The following ITIH4 variants were observed in gnomAD, a reference collection of about 807,000 sequenced individuals.
The protein encoded by ITIH4 is inter-alpha-trypsin inhibitor heavy chain 4, also known as inter-alpha-trypsin inhibitor heavy chain H4.
ITIH4 carries 79 observed loss-of-function variants against 111.8 expected under a neutral mutation model. The ratio of observed to expected loss-of-function variants is 0.71; its 90% confidence interval spans 0.59 to 0.85. The LOEUF (loss-of-function observed/expected upper bound fraction) is 0.85, where lower values mean the gene tolerates loss of function less well. Among genes scored for constraint, ITIH4 ranks in the 40% least tolerant of loss-of-function variants. The pLI is 0.00. For synonymous variants in ITIH4, 472 were observed against 468.3 expected (o/e 1.01, Z -0.10); for missense variants, 1,065 against 1,195.8 (o/e 0.89, Z 1.61).
Position 52,819,793 on chromosome 3 carries a change from C to A in ITIH4, c.1913-1G>T. On this transcript the variant is annotated splice_acceptor_variant, in intron 15 of 23. Coordinates refer to ENST00000266041, the MANE Select transcript of ITIH4 (RefSeq NM_002218.5). LOFTEE classifies it high-confidence loss of function. ...CCTCTTCTTGGAGAAAAGGAAGCCT[C>A]TGTGTGGTCAAGTCCTGATCAGATA... 3 of 1,614,124 alleles carry A rather than the reference C, an allele frequency of 1.9e-6. No individual in the cohort carries two copies. Among genetic ancestry groups the A allele is most frequent in the Non-Finnish European group, 2.5e-6 (3 of 1,180,012 alleles).
In ITIH4 at chr3:52,824,374, T is replaced by C. The variant is rs754862787; in HGVS notation, c.1045+23A>G. ...CCAGGAGCCCTGGAAGCCCCCACCC[T>C]GCAGGGCCACAGAGACACTTACCTC... On this transcript the variant is annotated intron_variant, in intron 8 of 23. Coordinates refer to ENST00000266041, the MANE Select transcript of ITIH4 (RefSeq NM_002218.5). This position sits in a 1 kb window ranked among gnomAD's most constrained non-coding sequence, Gnocchi z 4.3. The C allele has an allele frequency of 3.7e-6, 6 of 1,613,222 alleles. No homozygotes were observed. The African/African-American group carries it at 6.7e-5, about 18-fold the overall frequency.
intron 20 of ITIH4, among the ~76,000 whole-genome samples, chr3:52,817,851 C>T (rs1335287444): frequency 1.3e-5 from 2 of 152,258 alleles, no homozygotes; most frequent in African/African-American, 2.4e-5. Flanking sequence ...GCCACCCACA[C>T]CTGCACACAA....
chr3:52,826,763 C>A, intron 4 of ITIH4, 28 bp downstream of exon 4: 2 of 1,613,530 alleles, frequency 1.2e-6, no homozygotes, highest in Non-Finnish European at 1.7e-6. Context: ...ATGCAGGAGG[C>A]CTCCCTGGAA....
chr3:52,829,161 T>A lies in ITIH4; in HGVS notation c.209A>T (p.Gln70Leu). Residue 70 changes from glutamine (Q) to leucine (L), a missense_variant, in exon 2 of 24, where the codon CAG becomes CTG. Gln to Leu is a moderately radical substitution (Grantham distance 113, BLOSUM62 -2). Transcript: ENST00000266041. ...GAAGGCTTTCTTGGGCAGCTCCATC[T>A]GGAAGGTGGCCTCCTGCACAGTATT... Reference protein sequence around the residue: ...RANTVQEATFQMELPKKAFIT... With the variant: ...RANTVQEATFLMELPKKAFIT... 1 of 1,612,064 alleles carries A rather than the reference T, an allele frequency of 6.2e-7. No individual in the cohort carries two copies. Among genetic ancestry groups the A allele is most frequent in the South Asian group, 1.1e-5 (1 of 91,000 alleles).
At chr3:52,820,519 G>T in intron 13 of ITIH4, 112 bp downstream of exon 13, 1 of 1,330,374 alleles carries the variant, frequency 7.5e-7, no homozygotes, top group South Asian at 1.4e-5. Flanking sequence ...CTCCCAGGGG[G>T]AGTCTGTTGG....
chr3:52,818,841 G>C (rs1034881591), intron 17 of ITIH4: 13 of 439,178 alleles, frequency 3.0e-5, no homozygotes, highest in East Asian at 2.7e-4. Flanking sequence ...TCAGCCTCTA[G>C]AGTATAGTGG....
chr3:52,829,786 C>T (rs1205576351), intron 1 of ITIH4: 2 of 158,108 alleles, frequency 1.3e-5, no homozygotes, highest in African/African-American at 2.4e-5. Flanking sequence ...TAGAAGGAAG[C>T]CCTCAGAGCT....
Position 52,814,075 on chromosome 3 carries a change from A to G in ITIH4, c.2627-4T>C. 6.2e-7 allele frequency: 1 copy of G among 1,613,608 alleles called. No homozygotes were observed. The highest frequency in any genetic ancestry group is 8.5e-7 in the Non-Finnish European group (1 of 1,179,802). ...AGCACCTCCTGGTAAAACTGGCCTGAGATACAAAGGGTGGATCAGTAAGGG... is the reference window on the plus strand; with the variant it reads ...AGCACCTCCTGGTAAAACTGGCCTGGGATACAAAGGGTGGATCAGTAAGGG... On this transcript the variant is annotated splice_polypyrimidine_tract_variant and splice_region_variant and intron_variant, in intron 22 of 23. Transcript: ENST00000266041.
intron 17 of ITIH4, chr3:52,818,836 C>A: frequency 2.2e-6 from 1 of 457,070 alleles, no homozygotes; most frequent in Non-Finnish European, 4.0e-6. Context: ...ATGAGTCAGC[C>A]TCTAGAGTAT....
At chr3:52,823,065 C>T (rs1193239917) in intron 11 of ITIH4, among the ~76,000 whole-genome samples, 1 of 152,176 alleles carries the variant, frequency 6.6e-6, no homozygotes, top group Non-Finnish European at 1.5e-5. Context: ...AAGGCCCTGC[C>T]GCAGAGCTTG....
chr3:52,824,890 G>A lies in ITIH4; in HGVS notation c.828C>T (p.Val276=). The change falls in exon 7 of 24, where the codon GTC becomes GTT. Residue 276 remains valine, a synonymous_variant. Transcript: ENST00000266041. The surrounding 1 kb of genome is among the most constrained non-coding windows in gnomAD (Gnocchi z 4.3). ...EGLTTMPKNV[V]FVIDKSGSMS... ...TGGAGCCGCTCTTGTCAATGACAAA[G>A]ACCACATTCTTGGGCATTGTGGTTA... is the stretch of plus-strand genomic sequence containing the variant. The A allele has an allele frequency of 6.2e-7, 1 of 1,614,138 alleles. No homozygotes were observed. The highest frequency in any genetic ancestry group is 8.5e-7 in the Non-Finnish European group (1 of 1,179,990).
intron 17 of ITIH4, 107 bp from the exon 18 acceptor site, chr3:52,818,643 C>T: frequency 1.1e-6 from 1 of 870,990 alleles, no homozygotes; most frequent in Non-Finnish European, 1.9e-6. Context: ...GCCACACATA[C>T]ACTCCACCTA....
rs780416772 is a variant in ITIH4, at chr3:52,823,573, T to C, written c.1522A>G (p.Thr508Ala). 18 of 1,610,010 alleles carry C rather than the reference T, an allele frequency of 1.1e-5. No individual in the cohort carries two copies. In the Admixed American group the frequency reaches 3.0e-4, roughly 27 times the overall value. The change falls in exon 11 of 24, where the codon ACA (threonine) becomes GCA (alanine). Residue 508 changes from threonine (T) to alanine (A), a missense_variant. By Grantham distance (58) the Thr-to-Ala change is moderately conservative. Coordinates refer to ENST00000266041, the MANE Select transcript of ITIH4 (RefSeq NM_002218.5). ...QDRGPDVLTA[T>A]VSGKLPTQNI... ...ACACTCACCAGCTTCCCACTGACTG[T>C]GGCTGTGAGCACATCAGGCCCCCGG...
chr3:52,824,602 G>A lies in ITIH4; in HGVS notation c.877-37C>T. On this transcript the variant is annotated intron_variant, in intron 7 of 23. Coordinates refer to ENST00000266041, the MANE Select transcript of ITIH4 (RefSeq NM_002218.5). The surrounding 1 kb of genome is among the most constrained non-coding windows in gnomAD (Gnocchi z 4.3). ...GAGGAAACATAGGTGCTTCAGAAGG[G>A]CTCCCTGAGGGCTCGTGTGCCCTAG... 1 of 1,585,016 alleles carries A rather than the reference G, an allele frequency of 6.3e-7. No homozygotes were observed. The highest frequency in any genetic ancestry group is 1.7e-5 in the Admixed American group (1 of 58,550).
chr3:52,822,757 G>A (rs942015951), intron 11 of ITIH4, among the ~76,000 whole-genome samples: 4 of 152,172 alleles, frequency 2.6e-5, no homozygotes, highest in Admixed American at 6.5e-5. Context: ...GGCCCCCAAC[G>A]CCCACTCCTA....
chr3:52,823,762 T>A (rs34860124), intron 10 of ITIH4, 21 bp from the exon 11 acceptor site: 167,767 of 1,613,840 alleles, frequency 0.1, 9,803 homozygotes, highest in Non-Finnish European at 0.12. Flanking sequence ...GGGGGTGTCA[T>A]AAAGGCTGGG....
rs747823443 is a variant in ITIH4 at position 52,827,098 on chromosome 3, G to C, written c.351C>G (p.Leu117=). Residue 117 remains leucine (L), a synonymous_variant, in exon 3 of 24, where the codon CTC becomes CTG. Coordinates refer to ENST00000266041, the MANE Select transcript of ITIH4 (RefSeq NM_002218.5). ...AAVAKGKSAG[L]VKATGRNMEQ... ...GCTGCCCCCCACCAGCTCACTTGAC[G>C]AGGCCAGCGCTCTTTCCCTTGGCCA... 3 of 1,613,842 alleles carry C rather than the reference G, an allele frequency of 1.9e-6. No homozygotes were observed. Among genetic ancestry groups the C allele is most frequent in the Non-Finnish European group, 2.5e-6 (3 of 1,179,900 alleles).
intron 21 of ITIH4, 91 bp downstream of exon 21, chr3:52,816,793 G>GCCC (rs1700283771): frequency 8.0e-7 from 1 of 1,252,252 alleles, no homozygotes; most frequent in African/African-American, 1.5e-5. Flanking sequence ...CCATTCTCAG[G>GCCC]TCCATGGCCT....
Position 52,816,904 on chromosome 3 carries a change from C to CGTCT in ITIH4, c.2447_2450dup (p.Leu818AspfsTer23). Reference sequence around the variant, plus strand: ...CTTACCCGGGCATCACTGAGAATAGCGTCTCCTTCCACTTGTACGCAGAGC... The same window carrying CGTCT: ...CTTACCCGGGCATCACTGAGAATAGCGTCTGTCTCCTTCCACTTGTACGCAGAGC... On this transcript the variant is annotated frameshift_variant, in exon 21 of 24. Coordinates refer to ENST00000266041, the MANE Select transcript of ITIH4 (RefSeq NM_002218.5). LOFTEE classifies it high-confidence loss of function. 1 of 1,613,802 alleles carries CGTCT rather than the reference C, an allele frequency of 6.2e-7. No individual in the cohort carries two copies. Among genetic ancestry groups the CGTCT allele is most frequent in the Non-Finnish European group, 8.5e-7 (1 of 1,179,842 alleles).
Sources: allele counts gnomAD v4.1 joint callset (sites outside exome capture counted in the v4.1 genomes callset), GRCh38; gene constraint gnomAD v4.1.1; non-coding constraint Gnocchi (gnomAD v3.1); transcripts MANE v1.5; gene names NCBI Gene and HGNC (gene_info 2026-07-23, HGNC 2026-07-21).